Variants in LARGE1 observed in about 807,000 individuals in gnomAD.
LARGE1 encodes LARGE xylosyl- and glucuronyltransferase 1, also known as xylosyl- and glucuronyltransferase LARGE1.
A neutral mutation model predicts 87.6 loss-of-function variants in LARGE1; 43 were observed. The observed-to-expected ratio is 0.49, with a 90% CI of 0.38 to 0.63. The LOEUF (loss-of-function observed/expected upper bound fraction) is 0.63, where lower values mean the gene tolerates loss of function less well. LARGE1 is among the 30% of genes least tolerant of loss of function. The probability of loss-of-function intolerance (pLI) is 0.00; values close to 1 mark genes in which losing one functional copy is unlikely to be tolerated. For missense variants in LARGE1, 802 were observed against 1,000.2 expected (o/e 0.80, Z 2.67); for synonymous variants, 434 against 394.6 (o/e 1.10, Z -1.18).
chr22:33,869,685 G>A (rs2064216900), intron 1 of LARGE1, among the ~76,000 whole-genome samples: 1 of 152,208 alleles, frequency 6.6e-6, no homozygotes. Context: ...CTGGGAAGGG[G>A]GTCCCTTCTG....
At chr22:33,389,869 ACC>A (rs1368762877) in intron 7 of LARGE1, among the ~76,000 whole-genome samples, 12 of 151,760 alleles carry the variant, frequency 7.9e-5, no homozygotes, top group African/African-American at 2.9e-4. Context: ...CAACCAACCA[ACC>A]AACCAACCAA....
At chr22:33,340,746 G>A (rs945992851) in intron 9 of LARGE1, among the ~76,000 whole-genome samples, 6 of 151,794 alleles carry the variant, frequency 4.0e-5, no homozygotes, top group African/African-American at 1.5e-4. Flanking sequence ...GCTTCTTTTA[G>A]TCCTCACAAT....
At chr22:33,418,917 C>T (rs1234574472) in intron 7 of LARGE1, among the ~76,000 whole-genome samples, 3 of 152,132 alleles carry the variant, frequency 2.0e-5, no homozygotes, top group Non-Finnish European at 2.9e-5. Flanking sequence ...TCAGAGAGTC[C>T]AGAGGGCATG....
chr22:33,706,550 T>C (rs1569390185), intron 2 of LARGE1, among the ~76,000 whole-genome samples: 1 of 152,212 alleles, frequency 6.6e-6, no homozygotes, highest in African/African-American at 2.4e-5. Context: ...ACAGGACAAC[T>C]AATAAAATTA....
At chr22:33,854,809 T>A (rs1270522039) in intron 1 of LARGE1, among the ~76,000 whole-genome samples, 1 of 152,218 alleles carries the variant, frequency 6.6e-6, no homozygotes, top group Non-Finnish European at 1.5e-5. Flanking sequence ...TATTCATAAA[T>A]GTATCGGTGA....
chr22:33,290,253 A>T (rs1402711061), intron 12 of LARGE1, among the ~76,000 whole-genome samples: 1 of 152,126 alleles, frequency 6.6e-6, no homozygotes, highest in Non-Finnish European at 1.5e-5. Flanking sequence ...GGTTCCTGGC[A>T]TGAAGAGATT....
At chr22:33,119,016 G>C in the LARGE1 span, among the ~76,000 whole-genome samples, 2 of 152,206 alleles carry the variant, frequency 1.3e-5, no homozygotes, top group African/African-American at 2.4e-5. Flanking sequence ...CTTCCATTAA[G>C]TCATTTCAAA....
the LARGE1 span, among the ~76,000 whole-genome samples, chr22:33,151,977 A>G: frequency 6.7e-6 from 1 of 149,844 alleles, no homozygotes; most frequent in Non-Finnish European, 1.5e-5. Flanking sequence ...TCCCTTATCT[A>G]TTTTCTGGAA....
At chr22:33,255,862 G>A (rs1270796501) in intron 11 of LARGE1, among the ~76,000 whole-genome samples, 2 of 152,174 alleles carry the variant, frequency 1.3e-5, no homozygotes, top group African/African-American at 4.8e-5. Flanking sequence ...AACTTGAGGT[G>A]TTTTGCTTTT....
intron 6 of LARGE1, among the ~76,000 whole-genome samples, chr22:33,433,838 A>T (rs186359536): frequency 1.3e-5 from 2 of 152,182 alleles, no homozygotes; most frequent in Non-Finnish European, 2.9e-5. Flanking sequence ...ATGCTGGGTG[A>T]TATAGCATCT....
intron 6 of LARGE1, among the ~76,000 whole-genome samples, chr22:33,467,421 A>G (rs980813967): frequency 1.3e-5 from 2 of 152,170 alleles, no homozygotes; most frequent in African/African-American, 4.8e-5. Flanking sequence ...GTGATAGCTA[A>G]TTCATTAAGA....
At chr22:33,095,709 G>C in the LARGE1 span, among the ~76,000 whole-genome samples, 4 of 152,108 alleles carry the variant, frequency 2.6e-5, no homozygotes, top group Non-Finnish European at 4.4e-5. Context: ...ACAGGTATTC[G>C]CTATGTGCCC....
intron 13 of LARGE1, among the ~76,000 whole-genome samples, chr22:33,282,325 A>G (rs1347819804): frequency 6.6e-6 from 1 of 152,198 alleles, no homozygotes; most frequent in Non-Finnish European, 1.5e-5. Flanking sequence ...AGCCTGGGCA[A>G]TAAAAGCGAA....
chr22:33,730,257 T>C (rs1569411653), intron 2 of LARGE1, among the ~76,000 whole-genome samples: 1 of 152,238 alleles, frequency 6.6e-6, no homozygotes, highest in Non-Finnish European at 1.5e-5. Context: ...TAACAATTTC[T>C]CCTCTCTAGT....
At chr22:33,860,798 C>G (rs959187533) in intron 1 of LARGE1, among the ~76,000 whole-genome samples, 2 of 152,324 alleles carry the variant, frequency 1.3e-5, no homozygotes, top group Admixed American at 1.3e-4. Flanking sequence ...GCCAGTCCCC[C>G]ACTCCAGCTG....
chr22:33,428,365 G>T (rs2147671130), intron 7 of LARGE1, among the ~76,000 whole-genome samples: 1 of 150,206 alleles, frequency 6.7e-6, no homozygotes, highest in African/African-American at 2.4e-5. Flanking sequence ...CGCCCAGCTG[G>T]AGTGCAGTGG....
intron 1 of LARGE1, among the ~76,000 whole-genome samples, chr22:33,858,090 G>A (rs891180549): frequency 6.6e-6 from 1 of 152,178 alleles, no homozygotes; most frequent in Non-Finnish European, 1.5e-5. Flanking sequence ...TAGAAGCCAC[G>A]AGTCACGGAA....
intron 6 of LARGE1, among the ~76,000 whole-genome samples, chr22:33,548,121 A>G (rs919080683): frequency 6.6e-6 from 1 of 152,162 alleles, no homozygotes; most frequent in Non-Finnish European, 1.5e-5. Flanking sequence ...CCTACTGGGA[A>G]GTGAATGGTT....
chr22:33,079,513 C>T, the LARGE1 span, among the ~76,000 whole-genome samples: 3 of 152,060 alleles, frequency 2.0e-5, no homozygotes, highest in African/African-American at 7.2e-5. Flanking sequence ...AGGCGTGAGC[C>T]ACCACACCTG....
Sources: allele counts gnomAD v4.1 joint callset (sites outside exome capture counted in the v4.1 genomes callset), GRCh38; gene constraint gnomAD v4.1.1; transcripts MANE v1.5; gene names NCBI Gene and HGNC (gene_info 2026-07-23, HGNC 2026-07-21).